The following MTHFD2L variants were observed in gnomAD, a reference collection of about 807,000 sequenced individuals.
MTHFD2L encodes the protein bifunctional methylenetetrahydrofolate dehydrogenase/cyclohydrolase 2, mitochondrial.
In MTHFD2L, 29 loss-of-function variants were observed where a neutral mutation model predicts 34.9. That is an observed-to-expected ratio of 0.83 (90% confidence interval 0.62 to 1.13). The LOEUF is 1.13. Ranked by LOEUF, MTHFD2L falls within the 50% of genes most tolerant of loss-of-function variation. The pLI is 0.00. For missense variants in MTHFD2L, 481 were observed against 446.5 expected (o/e 1.08, Z -0.70); for synonymous variants, 167 against 155.7 (o/e 1.07, Z -0.54).
At position 74,225,407 on chromosome 4, in the gene MTHFD2L, T is replaced by G. The variant is rs369556019; in HGVS notation, c.805+13T>G. 1.2e-6 allele frequency: 2 copies of G among 1,602,532 alleles called. No homozygotes were observed. On this transcript the variant is annotated intron_variant, in intron 6 of 7. Transcript: ENST00000325278. ...ATAGTTGCTGCAGGTAAGTCCTTAGTGACTGTTATTTTTTGGAATGTCATC... is the reference window on the plus strand; with the variant it reads ...ATAGTTGCTGCAGGTAAGTCCTTAGGGACTGTTATTTTTTGGAATGTCATC...
chr4:74,199,454 C>T (rs572368507), intron 3 of MTHFD2L, among the ~76,000 whole-genome samples: 5 of 152,214 alleles, frequency 3.3e-5, no homozygotes, highest in Admixed American at 6.5e-5. Context: ...TGGATTCAAA[C>T]CCTGTAAATA....
intron 3 of MTHFD2L, among the ~76,000 whole-genome samples, chr4:74,179,569 G>A (rs1560453578): frequency 6.6e-6 from 1 of 151,912 alleles, no homozygotes; most frequent in Non-Finnish European, 1.5e-5. Flanking sequence ...TTTATAATGT[G>A]GCTTTGTGAT....
chr4:74,275,327 T>A (rs1578686667), intron 6 of MTHFD2L, among the ~76,000 whole-genome samples: 1 of 152,218 alleles, frequency 6.6e-6, no homozygotes, highest in East Asian at 1.9e-4. Context: ...TTACCACATT[T>A]TCTTTATCCA....
At chr4:74,199,128 A>G (rs1055656956) in intron 3 of MTHFD2L, among the ~76,000 whole-genome samples, 1 of 152,120 alleles carries the variant, frequency 6.6e-6, no homozygotes, top group South Asian at 2.1e-4. Context: ...TTATATTTCT[A>G]TACTTACTTT....
chr4:74,296,981 T>G (rs560174270), intron 7 of MTHFD2L, among the ~76,000 whole-genome samples: 1 of 152,110 alleles, frequency 6.6e-6, no homozygotes, highest in Non-Finnish European at 1.5e-5. Flanking sequence ...GAGAATAGTA[T>G]GTACAAAGGC....
chr4:74,158,204 C>A lies in MTHFD2L; in HGVS notation c.66C>A (p.Gly22=). 1 of 1,524,268 alleles carries A rather than the reference C, an allele frequency of 6.6e-7. No homozygotes were observed. The highest frequency in any genetic ancestry group is 1.3e-5 in the South Asian group (1 of 79,890). 94.4% of individuals were successfully genotyped at this position (1,524,268 alleles called of 1,614,324 possible). ...RGRLGRAPAL[G]RSTAPSVRAP... ...GCCTTGGCCGAGCGCCGGCGTTGGG[C>A]AGAAGCACAGCACCCTCCGTAAGGG... Residue 22 remains glycine, a synonymous_variant, in exon 1 of 8, where the codon GGC becomes GGA. Coordinates refer to ENST00000325278, the MANE Select transcript of MTHFD2L (RefSeq NM_001144978.3).
chr4:74,231,217 AC>A (rs1739999907), intron 6 of MTHFD2L, among the ~76,000 whole-genome samples: 1 of 152,170 alleles, frequency 6.6e-6, no homozygotes, highest in Non-Finnish European at 1.5e-5. Flanking sequence ...ATTTCCTTTC[AC>A]CACTTCTCCA....
At chr4:74,218,868 C>CT (rs756461167) in intron 5 of MTHFD2L, among the ~76,000 whole-genome samples, 39 of 152,058 alleles carry the variant, frequency 2.6e-4, no homozygotes, top group East Asian at 3.9e-4. Flanking sequence ...TAAGAAAACT[C>CT]TAAGATTCTA....
intron 3 of MTHFD2L, among the ~76,000 whole-genome samples, chr4:74,177,021 A>G (rs1187632374): frequency 6.6e-6 from 1 of 151,976 alleles, no homozygotes; most frequent in Non-Finnish European, 1.5e-5. Context: ...CCTCCAATAT[A>G]GCTGCACTGA....
intron 6 of MTHFD2L, among the ~76,000 whole-genome samples, chr4:74,227,697 G>A (rs1000509863): frequency 3.3e-5 from 5 of 152,220 alleles, no homozygotes; most frequent in Admixed American, 6.5e-5. Context: ...GGACGTTGTC[G>A]GCCATGGTTA....
intron 1 of MTHFD2L, among the ~76,000 whole-genome samples, chr4:74,149,012 T>C (rs184751900): frequency 6.6e-6 from 1 of 151,962 alleles, no homozygotes; most frequent in Non-Finnish European, 1.5e-5. Flanking sequence ...TGTATTTTTC[T>C]TCTTATCTTT....
At chr4:74,285,428 C>T (rs1450281241) in intron 7 of MTHFD2L, among the ~76,000 whole-genome samples, 2 of 152,066 alleles carry the variant, frequency 1.3e-5, no homozygotes, top group African/African-American at 4.8e-5. Flanking sequence ...CTATTCTTTG[C>T]AAAATGTTTA....
intron 1 of MTHFD2L, among the ~76,000 whole-genome samples, chr4:74,172,775 GAACA>G (rs1218756439): frequency 3.3e-5 from 5 of 152,178 alleles, no homozygotes; most frequent in African/African-American, 1.2e-4. Context: ...CTTCTTAGCA[GAACA>G]TTGTTTACAT....
intron 6 of MTHFD2L, among the ~76,000 whole-genome samples, chr4:74,262,315 A>G (rs1744778379): frequency 6.6e-6 from 1 of 151,938 alleles, no homozygotes; most frequent in Non-Finnish European, 1.5e-5. Flanking sequence ...TTGGTCATAA[A>G]TTTAGAGCAG....
Position 74,160,734 on chromosome 4 carries a change from G to C in MTHFD2L, c.143+2453G>C, listed in dbSNP as rs544101267. On this transcript the variant is annotated intron_variant, in intron 1 of 7. Transcript: ENST00000325278. The stretch of plus-strand genomic sequence containing the variant: ...CCCATTTTGTTGTGGTATTTGAGGA[G>C]TTTACAAATCAAAATGTCCTGGGTT... The C allele has an allele frequency of 3.3e-5, 5 of 152,336 alleles. No homozygotes were observed. The East Asian group carries it at 7.7e-4, about 23-fold the overall frequency. The allele number at this position is 152,336 out of a possible 1,614,324, so 9.4% of individuals were successfully genotyped here.
chr4:74,233,520 TCTCCTATTGTGTGGTGAG>T (rs953655598), intron 6 of MTHFD2L, among the ~76,000 whole-genome samples: 3 of 152,040 alleles, frequency 2.0e-5, no homozygotes, highest in African/African-American at 4.8e-5. Flanking sequence ...TTCCCTTCAT[TCTCCTATTGTGTGGTGAG>T]CTCCTATTGT....
At chr4:74,138,356 G>A (rs1312423128) in intron 1 of MTHFD2L, among the ~76,000 whole-genome samples, 1 of 152,178 alleles carries the variant, frequency 6.6e-6, no homozygotes, top group Admixed American at 6.5e-5. Context: ...CCCAAGATGG[G>A]GGCGGGCTGC....
intron 6 of MTHFD2L, among the ~76,000 whole-genome samples, chr4:74,237,570 C>A (rs923799460): frequency 6.6e-6 from 1 of 152,018 alleles, no homozygotes; most frequent in African/African-American, 2.4e-5. Context: ...GCTGAGATCG[C>A]ATCACTGCAC....
At chr4:74,241,206 T>TTC (rs1741661099) in intron 6 of MTHFD2L, among the ~76,000 whole-genome samples, 1 of 152,180 alleles carries the variant, frequency 6.6e-6, no homozygotes, top group Non-Finnish European at 1.5e-5. Context: ...ATCAAATGAT[T>TTC]TCTTCTATTC....
Sources: gnomAD v4.1 joint callset for allele counts (sites outside exome capture counted in the v4.1 genomes callset) on GRCh38, gnomAD v4.1.1 for gene constraint, MANE v1.5 for transcripts, NCBI Gene and HGNC (gene_info 2026-07-23, HGNC 2026-07-21) for gene names.